PAAF1: variants seen among roughly 807,000 people sequenced by gnomAD.
PAAF1 encodes the protein proteasomal ATPase-associated factor 1.
PAAF1 carries 46 observed loss-of-function variants against 52.8 expected under a neutral mutation model. That is an observed-to-expected ratio of 0.87 (90% CI 0.69 to 1.11). The LOEUF is 1.11. Ranked by LOEUF, PAAF1 falls within the 50% of genes most tolerant of loss-of-function variation. The probability of loss-of-function intolerance (pLI) is 0.00; values close to 1 mark genes in which losing one functional copy is unlikely to be tolerated. For missense variants in PAAF1, 424 were observed against 477.4 expected (o/e 0.89, Z 1.04); for synonymous variants, 178 against 172.8 (o/e 1.03, Z -0.24).
rs1950443388 is a variant in PAAF1 at position 73,930,552 on chromosome 11, GC to G, written c.*3192del. On this transcript the variant is annotated 3_prime_UTR_variant, in exon 12 of 12. Coordinates refer to ENST00000310571, the MANE Select transcript of PAAF1 (RefSeq NM_025155.3). ...GCTGGAGCCCAGGAATTGGAGACCAGCCTGCACAACATGAGGAAACTCTGTC... is the reference window on the plus strand; with the variant it reads ...GCTGGAGCCCAGGAATTGGAGACCAGCTGCACAACATGAGGAAACTCTGTC... The G allele has an allele frequency of 6.6e-6, 1 of 151,836 alleles. No individual in the cohort carries two copies. The highest frequency in any genetic ancestry group is 1.5e-5 in the Non-Finnish European group (1 of 68,028). 9.4% of individuals were successfully genotyped at this position (151,836 alleles called of 1,614,324 possible). A position where few individuals can be genotyped will look rare whatever the true frequency, so the allele number is the denominator to read the frequency against.
chr11:73,911,485 A>G (rs1949927159), intron 7 of PAAF1, among the ~76,000 whole-genome samples: 1 of 151,924 alleles, frequency 6.6e-6, no homozygotes, highest in Non-Finnish European at 1.5e-5. Flanking sequence ...TCCTGGCCCT[A>G]AAGTAATTTA....
intron 3 of PAAF1, among the ~76,000 whole-genome samples, chr11:73,890,068 C>T (rs1401525242): frequency 6.6e-6 from 1 of 152,180 alleles, no homozygotes; most frequent in Admixed American, 6.5e-5. Flanking sequence ...AAGACATTTT[C>T]ATTGTCCTGA....
intron 7 of PAAF1, among the ~76,000 whole-genome samples, chr11:73,909,964 TA>T (rs1949883533): frequency 6.6e-6 from 1 of 152,242 alleles, no homozygotes; most frequent in Admixed American, 6.5e-5. Context: ...CATAATATTT[TA>T]AGAAAGTTTA....
chr11:73,885,842 CA>C (rs371468192), intron 2 of PAAF1, among the ~76,000 whole-genome samples: 1,873 of 82,346 alleles, frequency 0.023, 26 homozygotes, highest in African/African-American at 0.05. Context: ...AACTCCATCT[CA>C]AAAAAAAAAA....
At chr11:73,911,817 A>G (rs1949938822) in intron 7 of PAAF1, among the ~76,000 whole-genome samples, 1 of 151,540 alleles carries the variant, frequency 6.6e-6, no homozygotes. Flanking sequence ...TATTTGTAGT[A>G]CAGATGAGGT....
chr11:73,921,852 A>G lies in PAAF1; in HGVS notation c.1019-2763A>G. 8 of 1,123,216 alleles carry G rather than the reference A, an allele frequency of 7.1e-6. No homozygotes were observed. In the Admixed American group the frequency reaches 1.4e-4, roughly 20 times the overall value. The allele number at this position is 1,123,216 out of a possible 1,614,324, so 69.6% of individuals were successfully genotyped here. A position where few individuals can be genotyped will look rare whatever the true frequency, so the allele number is the denominator to read the frequency against. ...TTGCAGGTTTGGGATACATTGCATT[A>G]AGTGGAAAACCAGGTTCTCCAGGAA... On this transcript the variant is annotated intron_variant, in intron 10 of 11. Coordinates refer to ENST00000310571, the MANE Select transcript of PAAF1 (RefSeq NM_025155.3).
intron 6 of PAAF1, among the ~76,000 whole-genome samples, chr11:73,906,186 T>C (rs1949746959): frequency 6.6e-6 from 1 of 152,146 alleles, no homozygotes; most frequent in South Asian, 2.1e-4. Flanking sequence ...ATCCAGTGGG[T>C]ATATAGCTGT....
At chr11:73,918,504 T>C (rs1950131953) in intron 9 of PAAF1, among the ~76,000 whole-genome samples, 1 of 149,894 alleles carries the variant, frequency 6.7e-6, no homozygotes, top group Non-Finnish European at 1.5e-5. Context: ...TGAGATGGAG[T>C]CTTGCTCTGT....
At chr11:73,920,391 C>CA (rs1347842335) in intron 10 of PAAF1, among the ~76,000 whole-genome samples, 1 of 151,816 alleles carries the variant, frequency 6.6e-6, no homozygotes, top group African/African-American at 2.4e-5. Context: ...ATTAGCCAGG[C>CA]ATGGTGGTTC....
rs111323701 is a variant in PAAF1, at chr11:73,899,205, G to A, written c.342G>A (p.Gly114=). Residue 114 remains glycine, a synonymous_variant, in exon 5 of 12, where the codon GGG becomes GGA. Transcript: ENST00000310571. ...GGLGVSSSTD[G]TMKIWQASNG... is the part of the protein sequence containing the mutation. ...TTGGTGTGTCTTCTAGTACTGACGGGACCATGAAAATCTGGCAGGCTTCCA... is the reference window on the plus strand; with the variant it reads ...TTGGTGTGTCTTCTAGTACTGACGGAACCATGAAAATCTGGCAGGCTTCCA... The A allele has an allele frequency of 6.2e-7, 1 of 1,614,030 alleles. No individual in the cohort carries two copies. Among genetic ancestry groups the A allele is most frequent in the Non-Finnish European group, 8.5e-7 (1 of 1,180,010 alleles).
chr11:73,916,693 T>A, intron 9 of PAAF1, 33 bp downstream of exon 9: 1 of 1,488,644 alleles, frequency 6.7e-7, no homozygotes, highest in Non-Finnish European at 9.3e-7. Context: ...GATGCAGGTC[T>A]TCTGCAGAGT....
At chr11:73,880,802 C>T (rs952363309) in intron 2 of PAAF1, 1 of 150,092 alleles carries the variant, frequency 6.7e-6, no homozygotes, top group African/African-American at 2.5e-5. Context: ...AGTTTGAGAC[C>T]AGCCTGGCTA....
intron 2 of PAAF1, among the ~76,000 whole-genome samples, chr11:73,884,899 G>A (rs1337927515): frequency 1.2e-4 from 17 of 140,750 alleles, no homozygotes; most frequent in African/African-American, 4.3e-4. Flanking sequence ...TCGCTCTGTC[G>A]CCCAGGCTGG....
intron 4 of PAAF1, among the ~76,000 whole-genome samples, chr11:73,898,585 G>C (rs898518153): frequency 6.6e-6 from 1 of 152,138 alleles, no homozygotes; most frequent in Non-Finnish European, 1.5e-5. Context: ...GGGAGGCTGA[G>C]ATGGGAGAAT....
intron 4 of PAAF1, 25 bp downstream of exon 4, chr11:73,891,226 G>C (rs755663607): frequency 6.0e-6 from 8 of 1,338,450 alleles, no homozygotes; most frequent in Non-Finnish European, 8.5e-6. Context: ...AAAATGAAGA[G>C]AAAATGTAAT....
intron 1 of PAAF1, among the ~76,000 whole-genome samples, 170 bp from the exon 2 acceptor site, chr11:73,878,609 A>G (rs984857843): frequency 6.6e-6 from 1 of 152,244 alleles, no homozygotes; most frequent in East Asian, 1.9e-4. Flanking sequence ...TCTTGAACAA[A>G]TAAAGTTTGT....
chr11:73,924,673 G>A lies in PAAF1; in HGVS notation c.1077G>A (p.Gly359=), dbSNP rs1437805052. ...QDLDYVTELT[G]ADCDPVYKVA... is the part of the protein sequence containing the mutation. ...TAGACTATGTCACTGAGCTCACTGG[G>A]GCTGACTGTGACCCTGTGTACAAGG... Residue 359 remains glycine (G), a synonymous_variant, in exon 11 of 12, where the codon GGG becomes GGA. Coordinates refer to ENST00000310571, the MANE Select transcript of PAAF1 (RefSeq NM_025155.3). 1.4e-5 allele frequency: 23 copies of A among 1,613,844 alleles called. No individual in the cohort carries two copies. Among genetic ancestry groups the A allele is most frequent in the Non-Finnish European group, 1.9e-5 (23 of 1,179,904 alleles).
At position 73,901,430 on chromosome 11, in the gene PAAF1, A is replaced by G. The variant is rs188404345; in HGVS notation, c.532+1010A>G. On this transcript the variant is annotated intron_variant, in intron 6 of 11. Transcript: ENST00000310571. ...TTACAAGTTTGAATATTTTAAAAATATGTGATAATATCCCCAAATAATTCC... is the reference window on the plus strand; with the variant it reads ...TTACAAGTTTGAATATTTTAAAAATGTGTGATAATATCCCCAAATAATTCC... 4.6e-5 allele frequency among the ~76,000 whole-genome samples: 7 copies of G among 152,320 alleles called. 1 individual carries two copies. Among genetic ancestry groups the G allele is most frequent in the African/African-American group, 1.4e-4 (6 of 41,564 alleles).
At chr11:73,920,702 A>C (rs1382153824) in intron 10 of PAAF1, among the ~76,000 whole-genome samples, 1 of 150,782 alleles carries the variant, frequency 6.6e-6, no homozygotes, top group Admixed American at 6.6e-5. Context: ...AAAATACAGA[A>C]ATTAGCTGGC....
Sources: gnomAD v4.1 joint callset for allele counts (sites outside exome capture counted in the v4.1 genomes callset) on GRCh38, gnomAD v4.1.1 for gene constraint, MANE v1.5 for transcripts, NCBI Gene and HGNC (gene_info 2026-07-23, HGNC 2026-07-21) for gene names.